SUSD1: variants seen among roughly 807,000 people sequenced by gnomAD.
SUSD1 encodes sushi domain containing 1, also known as sushi domain-containing protein 1.
Under a neutral mutation model 86.9 loss-of-function variants are expected in SUSD1, and 65 were observed. The ratio of observed to expected loss-of-function variants is 0.75; its 90% CI spans 0.61 to 0.92. The LOEUF is 0.92. SUSD1 is among the 40% of genes least tolerant of loss of function. The pLI is 0.00. For synonymous variants in SUSD1, 346 were observed against 350.0 expected, an observed-to-expected ratio of 0.99 and a Z score of 0.13; for missense variants, 850 against 929.7, an observed-to-expected ratio of 0.91 and a Z score of 1.11.
At chr9:112,155,663 G>C (rs1207740950) in intron 2 of SUSD1, among the ~76,000 whole-genome samples, 1 of 151,488 alleles carries the variant, frequency 6.6e-6, no homozygotes, top group Admixed American at 6.6e-5. Context: ...CTGTCGCCCA[G>C]ACTGGAGTGC....
At chr9:112,099,981 A>G (rs898984416) in intron 9 of SUSD1, among the ~76,000 whole-genome samples, 6 of 152,154 alleles carry the variant, frequency 3.9e-5, no homozygotes, top group African/African-American at 1.2e-4. Context: ...CATGGCCACA[A>G]CCTAGACTAT....
At chr9:112,119,135 T>C (rs935807718) in intron 6 of SUSD1, among the ~76,000 whole-genome samples, 10 of 152,164 alleles carry the variant, frequency 6.6e-5, no homozygotes, top group African/African-American at 1.7e-4. Context: ...AGATTACTTA[T>C]CTATGAAATG....
At chr9:112,173,741 T>C (rs1834145721) in intron 1 of SUSD1, 2 of 381,312 alleles carry the variant, frequency 5.2e-6, no homozygotes, top group Admixed American at 5.7e-5. Flanking sequence ...TTAACCTCCT[T>C]GGGGTTTATG....
At chr9:112,127,120 C>T (rs1831807175) in intron 5 of SUSD1, among the ~76,000 whole-genome samples, 1 of 152,146 alleles carries the variant, frequency 6.6e-6, no homozygotes, top group South Asian at 2.1e-4. Context: ...ACCTGTAATC[C>T]CAGCACTTTG....
intron 1 of SUSD1, among the ~76,000 whole-genome samples, chr9:112,171,755 G>A (rs893441852): frequency 6.6e-6 from 1 of 151,580 alleles, no homozygotes; most frequent in African/African-American, 2.4e-5. Flanking sequence ...ATTTATTTTT[G>A]CTTTTTCATT....
chr9:112,170,442 G>C (rs1381203784), intron 1 of SUSD1, among the ~76,000 whole-genome samples: 1 of 151,886 alleles, frequency 6.6e-6, no homozygotes, highest in Non-Finnish European at 1.5e-5. Flanking sequence ...TAAGAAACAG[G>C]ACTAACTGGT....
chr9:112,147,034 A>G (rs1832835259), intron 3 of SUSD1, among the ~76,000 whole-genome samples: 1 of 152,214 alleles, frequency 6.6e-6, no homozygotes, highest in Admixed American at 6.5e-5. Flanking sequence ...CCCACAGCCT[A>G]GAAAACACAA....
intron 10 of SUSD1, among the ~76,000 whole-genome samples, chr9:112,086,326 T>A (rs957206607): frequency 7.5e-6 from 1 of 133,478 alleles, no homozygotes; most frequent in South Asian, 2.4e-4. Flanking sequence ...AAAAAAAAAA[T>A]CTGTTAAATA....
intron 8 of SUSD1, among the ~76,000 whole-genome samples, chr9:112,109,168 G>A (rs1830984253): frequency 6.6e-6 from 1 of 152,132 alleles, no homozygotes; most frequent in African/African-American, 2.4e-5. Flanking sequence ...CCAAAATCAT[G>A]GAAGAAATTG....
chr9:112,156,474 A>C (rs1349614683), intron 2 of SUSD1, among the ~76,000 whole-genome samples: 3 of 150,936 alleles, frequency 2.0e-5, no homozygotes, highest in African/African-American at 7.4e-5. Flanking sequence ...AAAAAAAAAA[A>C]ATACTCACTG....
intron 5 of SUSD1, among the ~76,000 whole-genome samples, chr9:112,141,248 G>A (rs890872729): frequency 6.6e-6 from 1 of 152,218 alleles, no homozygotes; most frequent in East Asian, 1.9e-4. Context: ...TGATGGCTAC[G>A]ATGTCACTAG....
rs1319334740 is a variant in SUSD1 at position 112,127,711 on chromosome 9, A to G, written c.707-3275T>C. Among the ~76,000 whole-genome samples, 5 of 152,250 alleles carry G rather than the reference A, an allele frequency of 3.3e-5. No individual in the cohort carries two copies. The East Asian group carries it at 9.6e-4, about 29-fold the overall frequency. On this transcript the variant is annotated intron_variant, in intron 5 of 16. Coordinates refer to ENST00000374270, the MANE Select transcript of SUSD1 (RefSeq NM_022486.5). The stretch of plus-strand genomic sequence containing the variant: ...GAGCCAATAGGCAAAAAATAACAAT[A>G]ATAATAAGTCAACACATAACTGTGA...
chr9:112,077,499 C>CTTTTTTTTT (rs869259276), intron 12 of SUSD1, among the ~76,000 whole-genome samples: 3 of 66,420 alleles, frequency 4.5e-5, no homozygotes, highest in Non-Finnish European at 8.6e-5. Flanking sequence ...TAGTAATCTA[C>CTTTTTTTTT]TTTTTTTTTT....
intron 10 of SUSD1, among the ~76,000 whole-genome samples, chr9:112,094,163 G>A (rs925148574): frequency 6.6e-6 from 1 of 152,152 alleles, no homozygotes; most frequent in African/African-American, 2.4e-5. Context: ...GTTTTCATAA[G>A]CTCTCCAGGT....
chr9:112,102,145 CT>C (rs763299179), intron 9 of SUSD1, 30 bp downstream of exon 9: 2 of 1,312,114 alleles, frequency 1.5e-6, no homozygotes, highest in East Asian at 5.1e-5. Context: ...TGACACAATT[CT>C]TTAATGGAAA....
intron 2 of SUSD1, among the ~76,000 whole-genome samples, chr9:112,149,680 G>T (rs1358480655): frequency 6.6e-6 from 1 of 152,156 alleles, no homozygotes; most frequent in East Asian, 1.9e-4. Flanking sequence ...GGTTCTCTTT[G>T]AACTTTTCCA....
chr9:112,129,873 C>T (rs1272422320), intron 5 of SUSD1, among the ~76,000 whole-genome samples: 1 of 152,224 alleles, frequency 6.6e-6, no homozygotes, highest in Non-Finnish European at 1.5e-5. Context: ...GATATGCCAA[C>T]AGCCCCTCAG....
intron 6 of SUSD1, among the ~76,000 whole-genome samples, chr9:112,117,245 G>C (rs1349378309): frequency 2.0e-5 from 3 of 152,372 alleles, no homozygotes; most frequent in East Asian, 1.9e-4. Flanking sequence ...AGCAGGTCAA[G>C]GCAGAGGGTG....
rs186223687 is a variant in SUSD1 at position 112,058,405 on chromosome 9, C to T, written c.2109+23G>A. Reference sequence around the variant, plus strand: ...TACGAAGAAGAAAATACAGAGTTCACAAGAGCTTGGAAAGAAAGATACCTT... The same window carrying T: ...TACGAAGAAGAAAATACAGAGTTCATAAGAGCTTGGAAAGAAAGATACCTT... On this transcript the variant is annotated intron_variant, in intron 14 of 16. Transcript: ENST00000374270. 40 of 1,607,958 alleles carry T rather than the reference C, an allele frequency of 2.5e-5. No homozygotes were observed. In the East Asian group the frequency reaches 8.7e-4, roughly 35 times the overall value.
Sources: allele counts gnomAD v4.1 joint callset (sites outside exome capture counted in the v4.1 genomes callset), GRCh38; gene constraint gnomAD v4.1.1; transcripts MANE v1.5; gene names NCBI Gene and HGNC (gene_info 2026-07-23, HGNC 2026-07-21).